The following ZNF492 variants were observed in gnomAD, a reference collection of about 807,000 sequenced individuals.
The protein encoded by ZNF492 is zinc finger protein 492.
Under a neutral mutation model 6.4 loss-of-function variants are expected in ZNF492, and 3 were observed. The ratio of observed to expected loss-of-function variants is 0.47; its 90% CI spans 0.21 to 1.22. The LOEUF (loss-of-function observed/expected upper bound fraction) is 1.22, where lower values mean the gene tolerates loss of function less well. ZNF492 is among the 50% of genes most tolerant of loss of function. The probability of loss-of-function intolerance (pLI) is 0.22; values close to 1 mark genes in which losing one functional copy is unlikely to be tolerated. For synonymous variants in ZNF492, 112 were observed against 205.3 expected (o/e 0.55, Z 3.89); for missense variants, 356 against 612.5 (o/e 0.58, Z 4.42).
At chr19:22,648,953 G>C (rs577514676) in intron 1 of ZNF492, among the ~76,000 whole-genome samples, 1 of 152,290 alleles carries the variant, frequency 6.6e-6, no homozygotes, top group African/African-American at 2.4e-5. Context: ...GTATTGTTCT[G>C]TGTGAAGTTG....
At chr19:22,647,068 T>C (rs7409331) in intron 1 of ZNF492, among the ~76,000 whole-genome samples, 29,191 of 151,320 alleles carry the variant, frequency 0.19, 3,651 homozygotes, top group African/African-American at 0.36. Context: ...TTTTTGTACT[T>C]TTAGTAGAGA....
chr19:22,665,081 A>T lies in ZNF492; in HGVS notation c.1412A>T (p.His471Leu), dbSNP rs1210634113. ...SSHLTTHKMI[H>L]TGEKPYKCEE... Reference sequence around the variant, plus strand: ...CACCTTACTACACATAAGATGATTCATACTGGAGAGAAACCCTACAAGTGT... The same window carrying T: ...CACCTTACTACACATAAGATGATTCTTACTGGAGAGAAACCCTACAAGTGT... The change falls in exon 4 of 4, where the codon CAT (histidine) becomes CTT (leucine). Residue 471 changes from histidine (H) to leucine (L), a missense_variant. His to Leu is a moderately conservative substitution (Grantham distance 99, BLOSUM62 -3). This residue lies in a region of ZNF492 where 81 missense variants were observed against 115.4 expected (regional missense o/e 0.70). Coordinates refer to ENST00000456783, the MANE Select transcript of ZNF492 (RefSeq NM_020855.3). 5.6e-6 allele frequency: 9 copies of T among 1,608,174 alleles called. No individual in the cohort carries two copies. The highest frequency in any genetic ancestry group is 6.8e-6 in the Non-Finnish European group (8 of 1,179,568).
In ZNF492 at chr19:22,663,958, T is replaced by C; in HGVS notation, c.289T>C (p.Cys97Arg). 1 of 1,612,154 alleles carries C rather than the reference T, an allele frequency of 6.2e-7. No homozygotes were observed. The highest frequency in any genetic ancestry group is 8.5e-7 in the Non-Finnish European group (1 of 1,179,068). The stretch of plus-strand genomic sequence containing the variant: ...GGATGAGTGTAAGGTGCACAAAGAA[T>C]GTTACAATGGACTTAACCAGTGTTT... The part of the protein sequence containing the change: ...SMDECKVHKE[C>R]YNGLNQCLTT... The change falls in exon 4 of 4, where the codon TGT becomes CGT. Residue 97 changes from cysteine to arginine, a missense_variant. Physicochemically the swap from Cys to Arg is radical, Grantham distance 180. Transcript: ENST00000456783.
At chr19:22,644,630 G>A (rs1482764502) in intron 1 of ZNF492, among the ~76,000 whole-genome samples, 1 of 152,118 alleles carries the variant, frequency 6.6e-6, no homozygotes, top group Non-Finnish European at 1.5e-5. Flanking sequence ...TTCTGTCATT[G>A]ATGGGCATTT....
intron 1 of ZNF492, among the ~76,000 whole-genome samples, chr19:22,639,721 A>AAG (rs557219979): frequency 1.8e-3 from 270 of 151,612 alleles, no homozygotes; most frequent in Non-Finnish European, 3.2e-3. Flanking sequence ...CAAAAAAAAA[A>AAG]AAAAAAGAAA....
intron 1 of ZNF492, among the ~76,000 whole-genome samples, chr19:22,640,554 C>T (rs1375163245): frequency 6.6e-6 from 1 of 152,138 alleles, no homozygotes; most frequent in Non-Finnish European, 1.5e-5. Flanking sequence ...TTTGGTTTGC[C>T]AATATTTTGT....
rs1442996438 is a variant in ZNF492 at position 22,666,718 on chromosome 19, C to G, written c.*1453C>G. 3 of 151,982 alleles carry G rather than the reference C, an allele frequency of 2.0e-5. No homozygotes were observed. The highest frequency in any genetic ancestry group is 4.4e-5 in the Non-Finnish European group (3 of 68,010). 9.4% of individuals were successfully genotyped at this position (151,982 alleles called of 1,614,324 possible). A position where few individuals can be genotyped will look rare whatever the true frequency, so the allele number is the denominator to read the frequency against. ...TAATATTCTGCATTATATTGAGAGA[C>G]AAATTTTTAGTTTTAGTTAAAATTA... is the stretch of plus-strand genomic sequence containing the variant. On this transcript the variant is annotated 3_prime_UTR_variant, in exon 4 of 4. Transcript: ENST00000456783.
intron 1 of ZNF492, among the ~76,000 whole-genome samples, chr19:22,651,600 T>A (rs1971940340): frequency 6.6e-6 from 1 of 152,140 alleles, no homozygotes; most frequent in African/African-American, 2.4e-5. Context: ...CATGGCTTCT[T>A]ACATGTCATC....
chr19:22,634,609 C>T, intron 1 of ZNF492, 135 bp downstream of exon 1: 3 of 974,364 alleles, frequency 3.1e-6, no homozygotes, highest in Non-Finnish European at 4.7e-6. Context: ...TTGCCCAGCC[C>T]AGCCTCAGTC....
In ZNF492 at chr19:22,653,309, A is replaced by G. The variant is rs1971960553; in HGVS notation, c.-91A>G. On this transcript the variant is annotated splice_region_variant and 5_prime_UTR_variant, in exon 2 of 4. Coordinates refer to ENST00000456783, the MANE Select transcript of ZNF492 (RefSeq NM_020855.3). ...ATGTGTGTTTGTATGTTTTTCAGGG[A>G]GTGTTGACATTTAGGGATGTGGCCA... is the stretch of plus-strand genomic sequence containing the variant. The G allele has an allele frequency of 1.9e-6, 3 of 1,611,954 alleles. No homozygotes were observed. The highest frequency in any genetic ancestry group is 3.4e-5 in the Admixed American group (2 of 59,446).
At chr19:22,643,510 T>G (rs546928172) in intron 1 of ZNF492, among the ~76,000 whole-genome samples, 93 of 152,180 alleles carry the variant, frequency 6.1e-4, no homozygotes, top group Non-Finnish European at 1.1e-3. Context: ...AGGGGGAGCA[T>G]CATCAGCATT....
intron 1 of ZNF492, among the ~76,000 whole-genome samples, chr19:22,636,263 C>T (rs1971761830): frequency 6.6e-6 from 1 of 151,982 alleles, no homozygotes; most frequent in Non-Finnish European, 1.5e-5. Context: ...CCACTTCCAG[C>T]TAATTTTGTA....
intron 3 of ZNF492, among the ~76,000 whole-genome samples, chr19:22,660,583 A>T (rs1056912800): frequency 1.5e-4 from 23 of 150,088 alleles, no homozygotes; most frequent in Admixed American, 6.6e-4. Flanking sequence ...TACATTGTAT[A>T]TTCATTAACA....
intron 3 of ZNF492, among the ~76,000 whole-genome samples, chr19:22,658,283 A>G (rs118029257): frequency 0.012 from 1,752 of 151,564 alleles, 14 homozygotes; most frequent in Non-Finnish European, 0.017. Context: ...TTAGCCAGAC[A>G]TGGTGAAGTG....
At chr19:22,662,902 GTAGTTTCTTT>G (rs1364843307) in intron 3 of ZNF492, among the ~76,000 whole-genome samples, 2 of 151,966 alleles carry the variant, frequency 1.3e-5, no homozygotes, top group African/African-American at 4.8e-5. Context: ...CATTCTGGTG[GTAGTTTCTTT>G]TGCCGTGCAG....
In ZNF492 at chr19:22,667,412, C is replaced by G. The variant is rs1450268117; in HGVS notation, c.*2147C>G. On this transcript the variant is annotated 3_prime_UTR_variant, in exon 4 of 4. Transcript: ENST00000456783. ...TTAAATTTACTTTTGTTAGTTTTTT[C>G]AGGCATATAATATTTATGTTATATA... 6.6e-6 allele frequency: 1 copy of G among 151,592 alleles called. No individual in the cohort carries two copies. The highest frequency in any genetic ancestry group is 1.5e-5 in the Non-Finnish European group (1 of 67,934). The allele number at this position is 151,592 out of a possible 1,614,324, so 9.4% of individuals were successfully genotyped here.
At chr19:22,654,745 G>T (rs1271636072) in intron 3 of ZNF492, among the ~76,000 whole-genome samples, 2 of 150,854 alleles carry the variant, frequency 1.3e-5, no homozygotes, top group African/African-American at 4.9e-5. Context: ...GGGAATACAG[G>T]CGCGAGCCAC....
At chr19:22,650,200 G>C (rs1971925264) in intron 1 of ZNF492, among the ~76,000 whole-genome samples, 1 of 152,036 alleles carries the variant, frequency 6.6e-6, no homozygotes, top group South Asian at 2.1e-4. Flanking sequence ...TGGTTTGCTG[G>C]GGGTTCACTT....
At chr19:22,634,939 T>C (rs777068637) in intron 1 of ZNF492, among the ~76,000 whole-genome samples, 62 of 152,194 alleles carry the variant, frequency 4.1e-4, no homozygotes, top group Non-Finnish European at 6.3e-4. Flanking sequence ...TCAAAAGTTA[T>C]AGAGCACCCA....
Sources: gnomAD v4.1 joint callset for allele counts (sites outside exome capture counted in the v4.1 genomes callset) on GRCh38, gnomAD v4.1.1 for gene constraint, gnomAD v4.1.1 regional missense constraint, MANE v1.5 for transcripts, NCBI Gene and HGNC (gene_info 2026-07-23, HGNC 2026-07-21) for gene names.